EEPD1: variants seen among roughly 807,000 people sequenced by gnomAD.
The protein encoded by EEPD1 is endonuclease/exonuclease/phosphatase family domain-containing protein 1.
A neutral mutation model predicts 46.3 loss-of-function variants in EEPD1; 17 were observed. The ratio of observed to expected loss-of-function variants is 0.37; its 90% CI spans 0.25 to 0.55. The LOEUF (loss-of-function observed/expected upper bound fraction) is 0.55, where lower values mean the gene tolerates loss of function less well. Among genes scored for constraint, EEPD1 ranks in the 20% least tolerant of loss-of-function variants. The probability of loss-of-function intolerance (pLI) is 0.83; values close to 1 mark genes in which losing one functional copy is unlikely to be tolerated. For synonymous variants in EEPD1, 313 were observed against 315.6 expected, an observed-to-expected ratio of 0.99 and a Z score of 0.09; for missense variants, 673 against 745.6, an observed-to-expected ratio of 0.90 and a Z score of 1.13.
chr7:36,297,756 T>G (rs535046853), intron 7 of EEPD1, among the ~76,000 whole-genome samples: 24 of 152,318 alleles, frequency 1.6e-4, no homozygotes, highest in African/African-American at 5.8e-4. Context: ...AAATGCTCAG[T>G]GCTCTGCAAG....
Position 36,155,748 on chromosome 7 carries a change from C to T in EEPD1, c.878+546C>T, listed in dbSNP as rs527687104. On this transcript the variant is annotated intron_variant, in intron 2 of 7. Coordinates refer to ENST00000242108, the MANE Select transcript of EEPD1 (RefSeq NM_030636.3). ...CCTTATTTAACCTGGAGTTGGTTTT[C>T]AGCCCTAAAATTGTAGCCCAAAATG... Among the ~76,000 whole-genome samples, 66 of 152,278 alleles carry T rather than the reference C, an allele frequency of 4.3e-4. No homozygotes were observed. In the South Asian group the frequency reaches 0.013, roughly 29 times the overall value.
chr7:36,261,281 G>T (rs1463128644), intron 3 of EEPD1, among the ~76,000 whole-genome samples: 1 of 152,190 alleles, frequency 6.6e-6, no homozygotes, highest in African/African-American at 2.4e-5. Context: ...CCATTTATTG[G>T]GTTGGAAGAG....
chr7:36,261,320 G>A (rs1786918630), intron 3 of EEPD1, among the ~76,000 whole-genome samples: 1 of 152,212 alleles, frequency 6.6e-6, no homozygotes, highest in Non-Finnish European at 1.5e-5. Context: ...TCCAGTACTG[G>A]AAGGGCCTCT....
chr7:36,158,012 A>G (rs966505904), intron 2 of EEPD1, among the ~76,000 whole-genome samples: 1 of 152,240 alleles, frequency 6.6e-6, no homozygotes. Flanking sequence ...TACCTGTAAT[A>G]AAAGAGTTTC....
At chr7:36,276,207 G>A (rs1365072272) in intron 3 of EEPD1, among the ~76,000 whole-genome samples, 1 of 152,168 alleles carries the variant, frequency 6.6e-6, no homozygotes, top group Non-Finnish European at 1.5e-5. Context: ...TAAAGACCTT[G>A]CTGATAAAAC....
In EEPD1 at chr7:36,212,479, T is replaced by C. The variant is rs1785951198; in HGVS notation, c.879-26506T>C. 4.1e-5 allele frequency among the ~76,000 whole-genome samples: 5 copies of C among 122,136 alleles called. No individual in the cohort carries two copies. The South Asian group carries it at 1.3e-3, about 31-fold the overall frequency. 80.1% of individuals were successfully genotyped at this position (122,136 alleles called of 152,430 possible). On this transcript the variant is annotated intron_variant, in intron 2 of 7. Transcript: ENST00000242108. ...AAATACCCAGCAATAGAGGAAACAG[T>C]AAATTATAGTACATATACACCAGAA...
rs755213697 is a variant in EEPD1, at chr7:36,297,007, A to G, written c.1330A>G (p.Ile444Val). The change falls in exon 7 of 8, where the codon ATT (isoleucine) becomes GTT (valine). Residue 444 changes from isoleucine to valine, a missense_variant. Transcript: ENST00000242108. ...TCCACTTCCAGGAGAAAAGGATGTC[A>G]TTATCTTAGGGGATTTTGGCCAAGG... Reference protein sequence around the residue: ...QETLKGEKDVIILGDFGQGPD... With the variant: ...QETLKGEKDVVILGDFGQGPD... The G allele has an allele frequency of 5.0e-5, 81 of 1,614,004 alleles. No homozygotes were observed. In the East Asian group the frequency reaches 1.8e-3, roughly 36 times the overall value.
intron 2 of EEPD1, among the ~76,000 whole-genome samples, chr7:36,227,352 T>G (rs1367151693): frequency 6.6e-6 from 1 of 152,236 alleles, no homozygotes; most frequent in East Asian, 1.9e-4. Flanking sequence ...GAGATTGTTC[T>G]GTGCTGACAT....
intron 2 of EEPD1, among the ~76,000 whole-genome samples, chr7:36,228,411 C>G (rs894095488): frequency 6.6e-6 from 1 of 152,006 alleles, no homozygotes; most frequent in Admixed American, 6.5e-5. Context: ...CCTGTAGTCC[C>G]AGCTACTCAG....
At position 36,300,306 on chromosome 7, in the gene EEPD1, C is replaced by G. The variant is rs1209178281; in HGVS notation, c.*1100C>G. 6.6e-6 allele frequency: 1 copy of G among 152,246 alleles called. No individual in the cohort carries two copies. The highest frequency in any genetic ancestry group is 1.5e-5 in the Non-Finnish European group (1 of 68,058). 9.4% of individuals were successfully genotyped at this position (152,246 alleles called of 1,614,324 possible). A position where few individuals can be genotyped will look rare whatever the true frequency, so the allele number is the denominator to read the frequency against. On this transcript the variant is annotated 3_prime_UTR_variant, in exon 8 of 8. Transcript: ENST00000242108. ...CACTAGGCATCTGCATCCCCGAGCC[C>G]AAGCCAGGAGGGATTTCCCTTAGGC...
chr7:36,165,411 CTTTTTTTTTTTTTTTT>C (rs56236165), intron 2 of EEPD1, among the ~76,000 whole-genome samples: 1 of 62,062 alleles, frequency 1.6e-5, no homozygotes, highest in African/African-American at 7.1e-5. Flanking sequence ...GATCCATTTC[CTTTTTTTTTTTTTTTT>C]TTTTTTTTTT....
At position 36,284,808 on chromosome 7, in the gene EEPD1, C is replaced by T. The variant is rs199655154; in HGVS notation, c.1164C>T (p.Leu388=). The change falls in exon 5 of 8, where the codon CTC becomes CTT. Residue 388 remains leucine (L), a synonymous_variant. Coordinates refer to ENST00000242108, the MANE Select transcript of EEPD1 (RefSeq NM_030636.3). ...HGKLAGPSPY[L]GRFKVGSHDL... is the part of the protein sequence containing the mutation. The stretch of plus-strand genomic sequence containing the variant: ...AGCTGGCGGGCCCCAGCCCATACCT[C>T]GGGAGGTTCAAGGTACCCGCTCCAC... 1.4e-5 allele frequency: 21 copies of T among 1,538,364 alleles called. No individual in the cohort carries two copies. Among genetic ancestry groups the T allele is most frequent in the African/African-American group, 9.8e-5 (7 of 71,274 alleles).
chr7:36,296,694 CT>C (rs60706978), intron 6 of EEPD1, among the ~76,000 whole-genome samples: 5,344 of 83,064 alleles, frequency 0.064, 53 homozygotes, highest in South Asian at 0.084. Flanking sequence ...ACCCTTAGGT[CT>C]TTTTTTTTTT....
chr7:36,172,617 GT>G (rs70977113), intron 2 of EEPD1, among the ~76,000 whole-genome samples: 37,411 of 99,240 alleles, frequency 0.38, 6,045 homozygotes, highest in East Asian at 0.64. Context: ...AATATTATGA[GT>G]TTTTTTTTTT....
intron 2 of EEPD1, among the ~76,000 whole-genome samples, chr7:36,192,635 C>T (rs893199051): frequency 9.2e-5 from 14 of 152,192 alleles, no homozygotes; most frequent in Non-Finnish European, 2.1e-4. Context: ...CCGGCGAAGG[C>T]CTGTGTCTTA....
At chr7:36,271,859 CTATTCTATTCTATTCTATTCTATTG>C (rs869035893) in intron 3 of EEPD1, among the ~76,000 whole-genome samples, 10,039 of 40,762 alleles carry the variant, frequency 0.25, 935 homozygotes, top group Non-Finnish European at 0.31. Flanking sequence ...CTATTCTATT[CTATTCTATTCTATTCTATTCTATTG>C]TATTCTATTC....
At chr7:36,292,364 C>CTT (rs1787457912) in intron 6 of EEPD1, among the ~76,000 whole-genome samples, 1 of 146,986 alleles carries the variant, frequency 6.8e-6, no homozygotes, top group Non-Finnish European at 1.5e-5. Context: ...TTTTTCTTTT[C>CTT]TTTTCTTTTG....
At chr7:36,206,065 C>T (rs1404844961) in intron 2 of EEPD1, among the ~76,000 whole-genome samples, 1 of 152,198 alleles carries the variant, frequency 6.6e-6, no homozygotes, top group African/African-American at 2.4e-5. Context: ...AGCCAGACTG[C>T]CCCAGCCCCA....
At position 36,281,103 on chromosome 7, in the gene EEPD1, C is replaced by T. The variant is rs1358089439; in HGVS notation, c.931-12C>T. ...CGAACCCACGCTTCTGACCTGTGCT[C>T]TGTCTTTGCAGTTCTGCACGGAGCT... On this transcript the variant is annotated splice_polypyrimidine_tract_variant and intron_variant, in intron 3 of 7. Transcript: ENST00000242108. The T allele has an allele frequency of 1.2e-6, 2 of 1,613,748 alleles. No homozygotes were observed. The highest frequency in any genetic ancestry group is 3.3e-5 in the Admixed American group (2 of 60,028).
Sources: gnomAD v4.1 joint callset for allele counts (sites outside exome capture counted in the v4.1 genomes callset) on GRCh38, gnomAD v4.1.1 for gene constraint, MANE v1.5 for transcripts, NCBI Gene and HGNC (gene_info 2026-07-23, HGNC 2026-07-21) for gene names.